ZNF469: variants seen among roughly 807,000 people sequenced by gnomAD.
The protein encoded by ZNF469 is zinc finger protein 469.
ZNF469 carries 1 observed loss-of-function variant against 1.0 expected under a neutral mutation model. The observed-to-expected ratio is 1.00, with a 90% CI of 0.35 to 4.73. ZNF469 has a LOEUF of 4.73. ZNF469 is among the 30% of genes most tolerant of loss of function. ZNF469 has a pLI of 0.16. For synonymous variants in ZNF469, 2,703 were observed against 2,363.4 expected, an observed-to-expected ratio of 1.14 and a Z score of -4.17; for missense variants, 6,100 against 5,356.3, an observed-to-expected ratio of 1.14 and a Z score of -4.33.
chr16:88,256,896 T>TCTCTCTCTCTCTCTC, the ZNF469 span, among the ~76,000 whole-genome samples: 2 of 27,126 alleles, frequency 7.4e-5, no homozygotes, highest in Non-Finnish European at 1.7e-4. Flanking sequence ...TTTTCTTTCC[T>TCTCTCTCTCTCTCTC]TCTTTCTTTC....
upstream of ZNF469, among the ~76,000 whole-genome samples, chr16:88,378,311 G>T (rs1347408804): frequency 6.6e-6 from 1 of 152,154 alleles, no homozygotes; most frequent in Non-Finnish European, 1.5e-5. Flanking sequence ...CCAAATTGAG[G>T]GTCTACTCAG....
the ZNF469 span, chr16:88,191,620 G>A: frequency 6.6e-6 from 1 of 152,296 alleles, no homozygotes; most frequent in Admixed American, 6.5e-5. Context: ...CGGGATAGAA[G>A]TCAGAACCCC....
At chr16:88,178,019 A>T in the ZNF469 span, 1 of 152,216 alleles carries the variant, frequency 6.6e-6, no homozygotes, top group African/African-American at 2.4e-5. Context: ...CCGGCCTTGT[A>T]CTTTTGAGGC....
the ZNF469 span, among the ~76,000 whole-genome samples, chr16:88,349,070 C>T: frequency 1.3e-5 from 2 of 152,188 alleles, no homozygotes; most frequent in African/African-American, 2.4e-5. Context: ...TCGGAAAGAT[C>T]CACAGGCCAG....
the ZNF469 span, among the ~76,000 whole-genome samples, chr16:88,101,328 G>A: frequency 6.6e-6 from 1 of 152,198 alleles, no homozygotes; most frequent in Non-Finnish European, 1.5e-5. Context: ...GCTCAAAGGC[G>A]AATTCGTTTG....
At chr16:88,227,016 C>T in the ZNF469 span, among the ~76,000 whole-genome samples, 9 of 148,024 alleles carry the variant, frequency 6.1e-5, 1 homozygote, top group Non-Finnish European at 9.0e-5. Flanking sequence ...TCCTCCGCGC[C>T]GGGGCCTGCG....
At chr16:88,408,448 A>C (rs1905069543) in intron 1 of ZNF469, among the ~76,000 whole-genome samples, 1 of 152,234 alleles carries the variant, frequency 6.6e-6, no homozygotes, top group African/African-American at 2.4e-5. Context: ...CACCGTGCCC[A>C]GCCCACTTAG....
At chr16:88,173,380 T>A in the ZNF469 span, among the ~76,000 whole-genome samples, 1 of 152,214 alleles carries the variant, frequency 6.6e-6, no homozygotes, top group South Asian at 2.1e-4. Context: ...TTTAACTCAG[T>A]AAAAATATCA....
At chr16:88,101,206 G>A in the ZNF469 span, among the ~76,000 whole-genome samples, 7 of 152,252 alleles carry the variant, frequency 4.6e-5, no homozygotes, top group Admixed American at 6.5e-5. Context: ...CTTCAGGCTC[G>A]CAACCGAGGG....
At chr16:88,203,882 G>T in the ZNF469 span, among the ~76,000 whole-genome samples, 1 of 152,206 alleles carries the variant, frequency 6.6e-6, no homozygotes, top group Non-Finnish European at 1.5e-5. Context: ...CACACGGGTC[G>T]GGGGTAGGAC....
chr16:88,173,656 A>G, the ZNF469 span, among the ~76,000 whole-genome samples: 1 of 152,218 alleles, frequency 6.6e-6, no homozygotes, highest in Admixed American at 6.5e-5. Flanking sequence ...GGTTTATAGT[A>G]TATGTGGAAG....
chr16:88,200,465 G>T, the ZNF469 span, among the ~76,000 whole-genome samples: 1 of 152,228 alleles, frequency 6.6e-6, no homozygotes, highest in African/African-American at 2.4e-5. Flanking sequence ...CAGAAGGCCG[G>T]CAGGGAGCGA....
the ZNF469 span, among the ~76,000 whole-genome samples, chr16:88,145,582 C>T: frequency 6.6e-6 from 1 of 152,246 alleles, no homozygotes; most frequent in African/African-American, 2.4e-5. Flanking sequence ...CAGGTCTGGT[C>T]TTCCAAATGG....
In ZNF469 at chr16:88,439,464, TG is replaced by T; in HGVS notation, c.*133del. On this transcript the variant is annotated 3_prime_UTR_variant, in exon 3 of 3. Coordinates refer to ENST00000565624, the MANE Select transcript of ZNF469 (RefSeq NM_001367624.2). ...TCTTGTGCAACTGCTCAGGCCTTGA[TG>T]TCAGAGCTGAGGTGGTGATGCTTTG... The T allele has an allele frequency of 1.0e-6, 1 of 998,386 alleles. No individual in the cohort carries two copies. Among genetic ancestry groups the T allele is most frequent in the Non-Finnish European group, 1.5e-6 (1 of 660,170 alleles). The allele number at this position is 998,386 out of a possible 1,614,324, so 61.8% of individuals were successfully genotyped here.
upstream of ZNF469, among the ~76,000 whole-genome samples, chr16:88,380,443 TCA>T (rs546652044): frequency 7.5e-3 from 734 of 97,658 alleles, 8 homozygotes; most frequent in African/African-American, 9.0e-3. Context: ...ACATACACAG[TCA>T]CACACAGACA....
chr16:88,363,872 C>T, the ZNF469 span, among the ~76,000 whole-genome samples: 2 of 151,892 alleles, frequency 1.3e-5, no homozygotes, highest in African/African-American at 4.8e-5. Flanking sequence ...ATAGTTATTA[C>T]CTGCATGCAG....
chr16:88,311,403 TC>T, the ZNF469 span, among the ~76,000 whole-genome samples: 1 of 152,132 alleles, frequency 6.6e-6, no homozygotes, highest in South Asian at 2.1e-4. Context: ...TACACAGCAC[TC>T]CCATGGGATC....
At chr16:88,203,319 C>T in the ZNF469 span, among the ~76,000 whole-genome samples, 1 of 152,150 alleles carries the variant, frequency 6.6e-6, no homozygotes, top group South Asian at 2.1e-4. Flanking sequence ...TACTCATCCG[C>T]CCGCTCTGTG....
the ZNF469 span, among the ~76,000 whole-genome samples, chr16:88,106,872 C>T: frequency 1.3e-5 from 2 of 152,006 alleles, no homozygotes; most frequent in African/African-American, 4.9e-5. Context: ...CACTGTCTGC[C>T]TTCAGGAGGG....
Sources: gnomAD v4.1 joint callset for allele counts (sites outside exome capture counted in the v4.1 genomes callset) on GRCh38, gnomAD v4.1.1 for gene constraint, MANE v1.5 for transcripts, NCBI Gene and HGNC (gene_info 2026-07-23, HGNC 2026-07-21) for gene names.